Variants in SHE observed in about 807,000 individuals in gnomAD.
The protein encoded by SHE is Src homology 2 domain containing E.
SHE carries 11 observed loss-of-function variants against 49.8 expected under a neutral mutation model. The observed-to-expected ratio is 0.22, with a 90% confidence interval of 0.14 to 0.37. SHE has a LOEUF of 0.37. Ranked by LOEUF, SHE falls within the 10% of genes least tolerant of loss-of-function variation. The pLI is 1.00. For missense variants in SHE, 624 were observed against 655.5 expected (o/e 0.95, Z 0.52); for synonymous variants, 310 against 278.1 (o/e 1.11, Z -1.14).
In SHE at chr1:154,482,712, C is replaced by T. The variant is rs1692054018; in HGVS notation, c.*1437G>A. The stretch of plus-strand genomic sequence containing the variant: ...CATGGTTTTTTTCACAGTAAATAAA[C>T]TGGTGATATAAGCTCATGATAAATC... On this transcript the variant is annotated 3_prime_UTR_variant, in exon 6 of 6. Transcript: ENST00000304760. The T allele has an allele frequency of 1.0e-6, 1 of 985,214 alleles. No homozygotes were observed. The highest frequency in any genetic ancestry group is 6.2e-5 in the Admixed American group (1 of 16,250). The allele number at this position is 985,214 out of a possible 1,614,324, so 61.0% of individuals were successfully genotyped here.
intron 2 of SHE, among the ~76,000 whole-genome samples, chr1:154,491,438 T>C (rs1692360235): frequency 6.6e-6 from 1 of 152,236 alleles, no homozygotes; most frequent in African/African-American, 2.4e-5. Flanking sequence ...CTTGCAATCC[T>C]TTACAATCTA....
Position 154,483,835 on chromosome 1 carries a change from T to C in SHE, c.*314A>G, listed in dbSNP as rs1692089355. On this transcript the variant is annotated 3_prime_UTR_variant, in exon 6 of 6. Transcript: ENST00000304760. Reference sequence around the variant, plus strand: ...GGCGAAACCCCATCTCTACTAAAAATACAAAAAAAAAAATTAGCTGGGAGT... The same window carrying C: ...GGCGAAACCCCATCTCTACTAAAAACACAAAAAAAAAAATTAGCTGGGAGT... 1 of 780,232 alleles carries C rather than the reference T, an allele frequency of 1.3e-6. No homozygotes were observed. 48.3% of individuals were successfully genotyped at this position (780,232 alleles called of 1,614,324 possible).
At chr1:154,470,387 C>T (rs1046333487) in intron 1 of SHE, 1 of 1,289,148 alleles carries the variant, frequency 7.8e-7, no homozygotes, top group Non-Finnish European at 1.0e-6. Flanking sequence ...AAGGAATATG[C>T]AGTTACTGGA....
chr1:154,480,907 G>T lies in SHE; in HGVS notation c.*3242C>A, dbSNP rs996824068. 2.0e-6 allele frequency: 2 copies of T among 985,216 alleles called. No homozygotes were observed. Among genetic ancestry groups the T allele is most frequent in the African/African-American group, 1.7e-5 (1 of 57,188 alleles). 61.0% of individuals were successfully genotyped at this position (985,216 alleles called of 1,614,324 possible). ...AACTGAACTTGTCCAGTCATCGCAA[G>T]CAAGTATTTTTTTTAAAGAAGGTGT... On this transcript the variant is annotated 3_prime_UTR_variant, in exon 6 of 6. Transcript: ENST00000304760.
At chr1:154,499,799 GTATTGTAGGTGTTCTACGTTCAA>G (rs1692650813) in intron 1 of SHE, among the ~76,000 whole-genome samples, 1 of 152,176 alleles carries the variant, frequency 6.6e-6, no homozygotes. Context: ...GTACTAAACA[GTATTGTAGGTGTTCTACGTTCAA>G]TAATTCACAG....
At chr1:154,496,222 T>C (rs912899411) in intron 2 of SHE, among the ~76,000 whole-genome samples, 7 of 152,198 alleles carry the variant, frequency 4.6e-5, no homozygotes, top group African/African-American at 1.2e-4. Context: ...AACTTTAAAA[T>C]CCACGAGTAC....
intron 3 of SHE, among the ~76,000 whole-genome samples, chr1:154,487,934 G>A (rs960423438): frequency 1.2e-4 from 18 of 149,842 alleles, no homozygotes; most frequent in African/African-American, 4.4e-4. Flanking sequence ...CTTTACATTG[G>A]TTATACTTTT....
rs1692076711 is a variant in SHE at position 154,483,470 on chromosome 1, T to C, written c.*679A>G. 4.1e-6 allele frequency: 4 copies of C among 985,406 alleles called. No individual in the cohort carries two copies. The highest frequency in any genetic ancestry group is 1.7e-5 in the African/African-American group (1 of 57,330). 61.0% of individuals were successfully genotyped at this position (985,406 alleles called of 1,614,324 possible). ...CATGTGGAAAAGCCACGTGGATTTTTTGTTGGTTTGTTTAGAGACCAGGTA... is the reference window on the plus strand; with the variant it reads ...CATGTGGAAAAGCCACGTGGATTTTCTGTTGGTTTGTTTAGAGACCAGGTA... On this transcript the variant is annotated 3_prime_UTR_variant, in exon 6 of 6. Transcript: ENST00000304760.
At position 154,483,098 on chromosome 1, in the gene SHE, C is replaced by A; in HGVS notation, c.*1051G>T. 2.0e-6 allele frequency: 2 copies of A among 984,866 alleles called. No homozygotes were observed. The highest frequency in any genetic ancestry group is 9.4e-5 in the South Asian group (2 of 21,276). 61.0% of individuals were successfully genotyped at this position (984,866 alleles called of 1,614,324 possible). On this transcript the variant is annotated 3_prime_UTR_variant, in exon 6 of 6. Coordinates refer to ENST00000304760, the MANE Select transcript of SHE (RefSeq NM_001010846.3). Reference sequence around the variant, plus strand: ...ATTCAGAAATGAAATTTTTGTTGTACCTTTTATTCTATAATTCAGAATTCT... The same window carrying A: ...ATTCAGAAATGAAATTTTTGTTGTAACTTTTATTCTATAATTCAGAATTCT...
Position 154,481,722 on chromosome 1 carries a change from GATA to G in SHE, c.*2424_*2426del. The G allele has an allele frequency of 1.0e-6, 1 of 956,620 alleles. No individual in the cohort carries two copies. Among genetic ancestry groups the G allele is most frequent in the Non-Finnish European group, 1.2e-6 (1 of 803,782 alleles). 59.3% of individuals were successfully genotyped at this position (956,620 alleles called of 1,614,324 possible). A position where few individuals can be genotyped will look rare whatever the true frequency, so the allele number is the denominator to read the frequency against. On this transcript the variant is annotated 3_prime_UTR_variant, in exon 6 of 6. Coordinates refer to ENST00000304760, the MANE Select transcript of SHE (RefSeq NM_001010846.3). ...TAACACAATGAATAATTTGTATAAA[GATA>G]ATAAATATTTGTTGAATGGATGCTG...
At chr1:154,477,436 G>A (rs1038223547), downstream of SHE, among the ~76,000 whole-genome samples, 57 of 152,096 alleles carry the variant, frequency 3.7e-4, no homozygotes, top group African/African-American at 1.2e-3. Flanking sequence ...GAACTCCTTC[G>A]CTCAAGTGAT....
intron 2 of SHE, among the ~76,000 whole-genome samples, chr1:154,489,584 T>C (rs1692301741): frequency 6.6e-6 from 1 of 152,172 alleles, no homozygotes; most frequent in South Asian, 2.1e-4. Flanking sequence ...GTTGCCTGAG[T>C]CAGATAATGG....
At chr1:154,475,151 C>T (rs573744200), downstream of SHE, among the ~76,000 whole-genome samples, 48 of 152,126 alleles carry the variant, frequency 3.2e-4, no homozygotes, top group South Asian at 3.9e-3. Flanking sequence ...GGAGGGAGGC[C>T]GCCTTGGATG....
intron 5 of SHE, 95 bp from the exon 6 acceptor site, chr1:154,484,430 G>C: frequency 9.8e-7 from 1 of 1,017,978 alleles, no homozygotes; most frequent in Admixed American, 2.2e-5. Context: ...AGGTTGATAG[G>C]TTCTCATCCA....
At chr1:154,487,202 G>A (rs558885753) in intron 3 of SHE, among the ~76,000 whole-genome samples, 9 of 150,584 alleles carry the variant, frequency 6.0e-5, no homozygotes, top group African/African-American at 1.9e-4. Flanking sequence ...AACCCGGGAG[G>A]CAGAGGTTGC....
intron 2 of SHE, among the ~76,000 whole-genome samples, chr1:154,498,040 CTTG>C (rs1323144771): frequency 4.6e-5 from 7 of 152,008 alleles, no homozygotes; most frequent in African/African-American, 1.5e-4. Flanking sequence ...TATTGTAGAA[CTTG>C]TTGAGAAAGT....
chr1:154,486,295 A>G (rs1241073340), intron 4 of SHE, among the ~76,000 whole-genome samples: 1 of 152,194 alleles, frequency 6.6e-6, no homozygotes, highest in South Asian at 2.1e-4. Flanking sequence ...TCATTTGAAC[A>G]GTTTTCACTC....
chr1:154,496,234 A>G (rs1557802230), intron 2 of SHE, among the ~76,000 whole-genome samples: 1 of 152,234 alleles, frequency 6.6e-6, no homozygotes. Context: ...CACGAGTACA[A>G]CTTTTTTAAA....
In SHE at chr1:154,486,178, C is replaced by A. The variant is rs149602918; in HGVS notation, c.1182-116G>T. 2.9e-6 allele frequency: 4 copies of A among 1,373,388 alleles called. No homozygotes were observed. The African/African-American group carries it at 4.3e-5, about 15-fold the overall frequency. The allele number at this position is 1,373,388 out of a possible 1,614,324, so 85.1% of individuals were successfully genotyped here. ...TGAACTTCTGGCAGAGACGCAACAG[C>A]CTGAACTAGATCCTGCTTCACATTC... On this transcript the variant is annotated intron_variant, in intron 4 of 5. Coordinates refer to ENST00000304760, the MANE Select transcript of SHE (RefSeq NM_001010846.3).
Sources: allele counts gnomAD v4.1 joint callset (sites outside exome capture counted in the v4.1 genomes callset), GRCh38; gene constraint gnomAD v4.1.1; transcripts MANE v1.5; gene names NCBI Gene and HGNC (gene_info 2026-07-23, HGNC 2026-07-21).